The following CFAP77 variants were observed in gnomAD, a reference collection of about 807,000 sequenced individuals.
CFAP77 encodes cilia- and flagella-associated protein 77.
A neutral mutation model predicts 31.1 loss-of-function variants in CFAP77; 25 were observed. That is an observed-to-expected ratio of 0.80 (90% confidence interval 0.59 to 1.12). The LOEUF is 1.12. Among genes scored for constraint, CFAP77 ranks in the 50% most tolerant of loss-of-function variants. The pLI is 0.00. For missense variants in CFAP77, 377 were observed against 397.3 expected (o/e 0.95, Z 0.44); for synonymous variants, 151 against 159.9 (o/e 0.94, Z 0.42).
rs543147133 is a variant in CFAP77, at chr9:132,511,883, G to A, written c.524+12283G>A. Reference sequence around the variant, plus strand: ...AGCCTGACCAATATGGTGAAATCCCGTCTCTACCAAAGATACAAAAATTAG... The same window carrying A: ...AGCCTGACCAATATGGTGAAATCCCATCTCTACCAAAGATACAAAAATTAG... On this transcript the variant is annotated intron_variant, in intron 3 of 5. Coordinates refer to ENST00000393216, the MANE Select transcript of CFAP77 (RefSeq NM_001282957.2). This position sits in a 1 kb window ranked among gnomAD's most constrained non-coding sequence, Gnocchi z 5.8. Among the ~76,000 whole-genome samples, 2 of 152,162 alleles carry A rather than the reference G, an allele frequency of 1.3e-5. No individual in the cohort carries two copies. The highest frequency in any genetic ancestry group is 2.4e-5 in the African/African-American group (1 of 41,510).
Position 132,498,565 on chromosome 9 carries a change from G to A in CFAP77, c.196-130G>A. 1 of 686,848 alleles carries A rather than the reference G, an allele frequency of 1.5e-6. No individual in the cohort carries two copies. Among genetic ancestry groups the A allele is most frequent in the East Asian group, 2.7e-5 (1 of 36,658 alleles). The allele number at this position is 686,848 out of a possible 1,614,324, so 42.5% of individuals were successfully genotyped here. On this transcript the variant is annotated intron_variant, in intron 1 of 5. Transcript: ENST00000393216. This position sits in a 1 kb window ranked among gnomAD's most constrained non-coding sequence, Gnocchi z 4.2. ...AGGGAGGGCTCTGCCACCCACTCCT[G>A]TGCCACCCTGAAGGCCACGGCAGGG... is the stretch of plus-strand genomic sequence containing the variant.
intron 3 of CFAP77, among the ~76,000 whole-genome samples, chr9:132,520,591 G>A (rs1054118406): frequency 6.6e-6 from 1 of 152,172 alleles, no homozygotes; most frequent in Non-Finnish European, 1.5e-5. Flanking sequence ...GCTGCAGTGA[G>A]CTAGGATCGC....
chr9:132,470,242 C>T (rs989455509), intron 1 of CFAP77, among the ~76,000 whole-genome samples: 1 of 152,232 alleles, frequency 6.6e-6, no homozygotes, highest in Non-Finnish European at 1.5e-5. Flanking sequence ...GCCAAGTCCA[C>T]GTGCCTCCCA....
chr9:132,434,307 T>C (rs1291330384), intron 1 of CFAP77, among the ~76,000 whole-genome samples: 1 of 152,168 alleles, frequency 6.6e-6, no homozygotes, highest in Non-Finnish European at 1.5e-5. Context: ...TCTTACCATG[T>C]ATATGAAAAT....
chr9:132,531,736 C>T (rs1040231054), intron 3 of CFAP77, among the ~76,000 whole-genome samples: 2 of 152,036 alleles, frequency 1.3e-5, no homozygotes, highest in African/African-American at 2.4e-5. Context: ...CAAGGTAATG[C>T]GCCCCAGCAG....
chr9:132,512,334 G>A (rs1852054771), intron 3 of CFAP77, among the ~76,000 whole-genome samples: 1 of 152,148 alleles, frequency 6.6e-6, no homozygotes, highest in Middle Eastern at 3.2e-3. Flanking sequence ...ATCCCCAGAT[G>A]ATCTTATCTC....
At chr9:132,464,813 C>T (rs1383293854) in intron 1 of CFAP77, among the ~76,000 whole-genome samples, 4 of 151,964 alleles carry the variant, frequency 2.6e-5, no homozygotes, top group East Asian at 1.9e-4. Context: ...AATGCTGGGC[C>T]GGGCGCAGTG....
chr9:132,459,680 GTA>G (rs1295352005), intron 1 of CFAP77, among the ~76,000 whole-genome samples: 7 of 151,656 alleles, frequency 4.6e-5, no homozygotes, highest in Non-Finnish European at 7.4e-5. Flanking sequence ...ATATTTATGT[GTA>G]TATGTGTGCA....
intron 1 of CFAP77, among the ~76,000 whole-genome samples, chr9:132,440,296 C>G (rs771141828): frequency 6.6e-6 from 1 of 152,088 alleles, no homozygotes; most frequent in Non-Finnish European, 1.5e-5. Flanking sequence ...ATGGTTACAC[C>G]ACTGCACTCC....
intron 1 of CFAP77, among the ~76,000 whole-genome samples, chr9:132,457,700 C>T (rs1414377186): frequency 2.6e-5 from 4 of 152,192 alleles, no homozygotes; most frequent in Non-Finnish European, 4.4e-5. Flanking sequence ...CCGTGGGGAG[C>T]GTTCCGCACG....
intron 1 of CFAP77, among the ~76,000 whole-genome samples, chr9:132,411,209 A>C (rs995168493): frequency 6.6e-6 from 1 of 152,186 alleles, no homozygotes; most frequent in Non-Finnish European, 1.5e-5. Flanking sequence ...CTTGGGGGTC[A>C]GGGAGCAAGC....
At chr9:132,496,028 C>G (rs1013183744) in intron 1 of CFAP77, among the ~76,000 whole-genome samples, 5 of 152,142 alleles carry the variant, frequency 3.3e-5, no homozygotes, top group Non-Finnish European at 7.4e-5. Flanking sequence ...CTGACTAAGA[C>G]ATAGTATTTT....
chr9:132,560,305 G>A (rs1406339875), intron 5 of CFAP77, among the ~76,000 whole-genome samples: 1 of 152,182 alleles, frequency 6.6e-6, no homozygotes, highest in East Asian at 1.9e-4. Context: ...CAGACGAGGG[G>A]AGTCTGCTGT....
intron 1 of CFAP77, among the ~76,000 whole-genome samples, chr9:132,441,568 T>C (rs867778802): frequency 6.6e-6 from 1 of 152,202 alleles, no homozygotes; most frequent in Middle Eastern, 3.2e-3. Flanking sequence ...CTGAGTGTTC[T>C]GAATTGGAGT....
At chr9:132,484,921 TCA>T (rs1238538697) in intron 1 of CFAP77, among the ~76,000 whole-genome samples, 1 of 151,752 alleles carries the variant, frequency 6.6e-6, no homozygotes, top group Non-Finnish European at 1.5e-5. Flanking sequence ...TGCTTTTGGG[TCA>T]CTGCAACCTC....
intron 1 of CFAP77, among the ~76,000 whole-genome samples, chr9:132,457,822 G>A (rs934279231): frequency 9.9e-5 from 15 of 152,260 alleles, no homozygotes; most frequent in Non-Finnish European, 4.4e-5. Flanking sequence ...CGGGGAAGGA[G>A]CATAAAGACG....
intron 1 of CFAP77, among the ~76,000 whole-genome samples, chr9:132,422,562 A>G (rs1197715132): frequency 2.6e-5 from 4 of 152,216 alleles, no homozygotes; most frequent in African/African-American, 7.2e-5. Context: ...AGGCAAAATA[A>G]GAGATTTTAT....
chr9:132,410,566 G>A, intron 1 of CFAP77, 100 bp downstream of exon 1: 1 of 1,066,462 alleles, frequency 9.4e-7, no homozygotes, highest in South Asian at 1.8e-5. Flanking sequence ...GCGGCCCGGG[G>A]TCCGAGCGCA....
chr9:132,514,588 C>A (rs1264649727), intron 3 of CFAP77, among the ~76,000 whole-genome samples: 2 of 152,154 alleles, frequency 1.3e-5, no homozygotes, highest in African/African-American at 4.8e-5. Context: ...CCGAGCGCTG[C>A]CTTCCTTGCC....
Sources: allele counts gnomAD v4.1 joint callset (sites outside exome capture counted in the v4.1 genomes callset), GRCh38; gene constraint gnomAD v4.1.1; non-coding constraint Gnocchi (gnomAD v3.1); transcripts MANE v1.5; gene names NCBI Gene and HGNC (gene_info 2026-07-23, HGNC 2026-07-21).